Variants in WWOX observed in about 807,000 individuals in gnomAD.
WWOX encodes WW domain-containing oxidoreductase.
In WWOX, 69 loss-of-function variants were observed where a neutral mutation model predicts 46.2. The observed-to-expected ratio is 1.49, with a 90% CI of 1.23 to 1.82. The LOEUF (loss-of-function observed/expected upper bound fraction) is 1.82. WWOX is among the 40% of genes most tolerant of loss of function. The pLI, the probability that WWOX is intolerant of heterozygous loss-of-function variation, is 0.00. For missense variants in WWOX, 919 were observed against 542.6 expected (o/e 1.69, Z -6.89); for synonymous variants, 359 against 202.6 (o/e 1.77, Z -6.56).
intron 8 of WWOX, among the ~76,000 whole-genome samples, chr16:78,710,858 C>G (rs2048430318): frequency 6.6e-6 from 1 of 152,162 alleles, no homozygotes; most frequent in Non-Finnish European, 1.5e-5. Flanking sequence ...CTCAAGCGAT[C>G]CTACTCACTC....
chr16:78,190,190 C>G (rs976147697), intron 5 of WWOX, among the ~76,000 whole-genome samples: 3 of 152,250 alleles, frequency 2.0e-5, no homozygotes, highest in Non-Finnish European at 4.4e-5. Flanking sequence ...TTAGGCCAGA[C>G]CAGTCCCTAG....
intron 5 of WWOX, among the ~76,000 whole-genome samples, chr16:78,352,503 G>T (rs1053050882): frequency 6.6e-6 from 1 of 152,038 alleles, no homozygotes; most frequent in East Asian, 1.9e-4. Context: ...TCAAAGCCAG[G>T]GATGGCTGCT....
intron 5 of WWOX, among the ~76,000 whole-genome samples, chr16:78,334,834 ACACACAC>A (rs2080846819): frequency 1.3e-4 from 1 of 7,784 alleles, no homozygotes; most frequent in Non-Finnish European, 2.9e-4. Flanking sequence ...ACACACACAT[ACACACAC>A]ACACACACAC....
At chr16:79,071,028 C>T (rs1428076999) in intron 8 of WWOX, among the ~76,000 whole-genome samples, 1 of 152,180 alleles carries the variant, frequency 6.6e-6, no homozygotes, top group Non-Finnish European at 1.5e-5. Context: ...AGGGATGCAG[C>T]CCATACGTGA....
At chr16:78,392,981 G>A (rs1181024467) in intron 6 of WWOX, among the ~76,000 whole-genome samples, 1 of 152,084 alleles carries the variant, frequency 6.6e-6, no homozygotes, top group Non-Finnish European at 1.5e-5. Flanking sequence ...AGCGGTCGTC[G>A]GCCAGTGTGT....
At chr16:78,168,065 GA>G (rs1424756661) in intron 5 of WWOX, 1 of 152,144 alleles carries the variant, frequency 6.6e-6, no homozygotes, top group East Asian at 1.9e-4. Context: ...CGCCTCACGG[GA>G]GGCTCTCAAA....
chr16:78,121,880 T>C (rs2033111659), intron 4 of WWOX, among the ~76,000 whole-genome samples: 1 of 152,114 alleles, frequency 6.6e-6, no homozygotes, highest in South Asian at 2.1e-4. Flanking sequence ...ATACAGGTCT[T>C]GAACTCCTGA....
At chr16:78,191,086 GTGT>G (rs2035868828) in intron 5 of WWOX, among the ~76,000 whole-genome samples, 1 of 152,162 alleles carries the variant, frequency 6.6e-6, no homozygotes, top group Non-Finnish European at 1.5e-5. Context: ...TCCAACCGCA[GTGT>G]TGAGGACTAG....
At chr16:78,654,869 A>T (rs1339027940) in intron 8 of WWOX, among the ~76,000 whole-genome samples, 2 of 151,496 alleles carry the variant, frequency 1.3e-5, no homozygotes, top group African/African-American at 4.9e-5. Context: ...CAGCAGTCAA[A>T]TTTTTTCTTG....
chr16:78,720,557 C>T (rs961617768), intron 8 of WWOX, among the ~76,000 whole-genome samples: 9 of 150,582 alleles, frequency 6.0e-5, no homozygotes, highest in Admixed American at 2.0e-4. Context: ...CATAATGTGT[C>T]TGTGAGAGAC....
chr16:78,972,487 A>G (rs2046490989), intron 8 of WWOX, among the ~76,000 whole-genome samples: 1 of 151,934 alleles, frequency 6.6e-6, no homozygotes, highest in African/African-American at 2.4e-5. Context: ...AAAAAAAATA[A>G]AAGAACCTGA....
In WWOX at chr16:79,006,849, C is replaced by G. The variant is rs184702920; in HGVS notation, c.1057-204759C>G. On this transcript the variant is annotated intron_variant, in intron 8 of 8. Coordinates refer to ENST00000566780, the MANE Select transcript of WWOX (RefSeq NM_016373.4). ...TTCTCATGCTGGCATCCTTCTGGCT[C>G]TCTCTTCAGATTCCCTCTTCCGCTT... 5.0e-4 allele frequency among the ~76,000 whole-genome samples: 76 copies of G among 152,286 alleles called. No individual in the cohort carries two copies. The East Asian group carries it at 0.013, about 26-fold the overall frequency.
At chr16:78,930,728 A>G (rs751550330) in intron 8 of WWOX, among the ~76,000 whole-genome samples, 2 of 152,104 alleles carry the variant, frequency 1.3e-5, no homozygotes, top group Non-Finnish European at 2.9e-5. Context: ...GAGTGAGTAA[A>G]GTTGAGCAGA....
intron 5 of WWOX, among the ~76,000 whole-genome samples, chr16:78,332,219 A>G (rs1260638182): frequency 1.3e-5 from 2 of 152,146 alleles, no homozygotes; most frequent in African/African-American, 4.8e-5. Flanking sequence ...AAGACTGGAA[A>G]CTTGCCTAAA....
At chr16:78,577,318 A>G (rs1239306211) in intron 8 of WWOX, among the ~76,000 whole-genome samples, 1 of 152,190 alleles carries the variant, frequency 6.6e-6, no homozygotes, top group Non-Finnish European at 1.5e-5. Context: ...CAGGGCAAAT[A>G]TATGTTTAAA....
At chr16:79,184,658 C>G (rs1206452524) in intron 8 of WWOX, among the ~76,000 whole-genome samples, 1 of 152,210 alleles carries the variant, frequency 6.6e-6, no homozygotes, top group African/African-American at 2.4e-5. Flanking sequence ...TTGGTGAAGT[C>G]TCCCACCCCG....
At chr16:78,879,471 G>A (rs1456329091) in intron 8 of WWOX, among the ~76,000 whole-genome samples, 1 of 151,160 alleles carries the variant, frequency 6.6e-6, no homozygotes, top group Non-Finnish European at 1.5e-5. Context: ...CCCCAAACAT[G>A]TAATACCACC....
chr16:78,643,953 T>A (rs1191737192), intron 8 of WWOX, among the ~76,000 whole-genome samples: 2 of 152,120 alleles, frequency 1.3e-5, no homozygotes, highest in Admixed American at 1.3e-4. Context: ...CTGGGTGCGG[T>A]GGCTCACGCC....
At chr16:78,702,124 T>TATATATATATATATTTA (rs777394763) in intron 8 of WWOX, among the ~76,000 whole-genome samples, 1 of 105,550 alleles carries the variant, frequency 9.5e-6, no homozygotes, top group African/African-American at 4.9e-5. Context: ...ATATATATAT[T>TATATATATATATATTTA]TATTTATTTT....
Sources: allele counts gnomAD v4.1 joint callset (sites outside exome capture counted in the v4.1 genomes callset), GRCh38; gene constraint gnomAD v4.1.1; transcripts MANE v1.5; gene names NCBI Gene and HGNC (gene_info 2026-07-23, HGNC 2026-07-21).